MAGI1: variants seen among roughly 807,000 people sequenced by gnomAD.
MAGI1 encodes membrane associated guanylate kinase, WW and PDZ domain containing 1, also known as membrane-associated guanylate kinase, WW and PDZ domain-containing protein 1.
MAGI1 carries 58 observed loss-of-function variants against 139.9 expected under a neutral mutation model. The ratio of observed to expected loss-of-function variants is 0.41; its 90% CI spans 0.34 to 0.52. MAGI1 has a LOEUF of 0.52. Among genes scored for constraint, MAGI1 ranks in the 20% least tolerant of loss-of-function variants. The pLI, the probability that MAGI1 is intolerant of heterozygous loss-of-function variation, is 0.12. For missense variants in MAGI1, 1,874 were observed against 1,901.6 expected (o/e 0.99, Z 0.27); for synonymous variants, 812 against 737.9 (o/e 1.10, Z -1.63).
At chr3:66,007,837 GGGAAGAATGTGTGCCCCACACA>G (rs2067109776) in intron 1 of MAGI1, among the ~76,000 whole-genome samples, 1 of 151,916 alleles carries the variant, frequency 6.6e-6, no homozygotes, top group Non-Finnish European at 1.5e-5. Context: ...AATTGGAGGA[GGGAAGAATGTGTGCCCCACACA>G]CTAGTCCTCT....
At chr3:65,985,610 T>C (rs922384253) in intron 1 of MAGI1, among the ~76,000 whole-genome samples, 1 of 152,228 alleles carries the variant, frequency 6.6e-6, no homozygotes, top group Admixed American at 6.5e-5. Flanking sequence ...CGTCTTTTTT[T>C]CCCCTGGTAC....
chr3:65,736,084 A>G (rs1375580919), intron 1 of MAGI1, among the ~76,000 whole-genome samples: 1 of 152,248 alleles, frequency 6.6e-6, no homozygotes, highest in Non-Finnish European at 1.5e-5. Context: ...AATTTTCAGA[A>G]GTAACACTGA....
chr3:65,872,789 A>T (rs892682257), intron 1 of MAGI1: 1 of 152,242 alleles, frequency 6.6e-6, no homozygotes, highest in African/African-American at 2.4e-5. Context: ...AACATACTGG[A>T]CAAATTAAGC....
intron 5 of MAGI1, chr3:65,469,946 A>G (rs1163409826): frequency 6.1e-5 from 9 of 147,808 alleles, no homozygotes; most frequent in African/African-American, 2.0e-4. Flanking sequence ...AAATATATTT[A>G]AATATTTATT....
At chr3:65,383,058 AC>A (rs1363667021) in intron 15 of MAGI1, among the ~76,000 whole-genome samples, 1 of 152,092 alleles carries the variant, frequency 6.6e-6, no homozygotes, top group Non-Finnish European at 1.5e-5. Flanking sequence ...CTTGACCCTT[AC>A]TCAGGGTTCT....
At position 65,530,837 on chromosome 3, in the gene MAGI1, A is replaced by ACACG. The variant is rs1402317097; in HGVS notation, c.431-37207_431-37206insCGTG. Among the ~76,000 whole-genome samples, 21 of 21,940 alleles carry ACACG rather than the reference A, an allele frequency of 9.6e-4. No individual in the cohort carries two copies. The East Asian group carries it at 0.017, about 18-fold the overall frequency. The allele number at this position is 21,940 out of a possible 152,430, so 14.4% of individuals were successfully genotyped here. On this transcript the variant is annotated intron_variant, in intron 2 of 22. Transcript: ENST00000402939. ...TATATATACACGTATATATATATAT[A>ACACG]TACACACACACACACACATATATAT...
chr3:65,741,318 A>G (rs2035245764), intron 1 of MAGI1, among the ~76,000 whole-genome samples: 1 of 151,866 alleles, frequency 6.6e-6, no homozygotes, highest in Non-Finnish European at 1.5e-5. Context: ...GGGACTACAG[A>G]TGCCCGCCAC....
chr3:65,405,663 T>C (rs902100621), intron 12 of MAGI1, among the ~76,000 whole-genome samples: 8 of 152,116 alleles, frequency 5.3e-5, no homozygotes, highest in Admixed American at 6.5e-5. Context: ...GGTGTGATCT[T>C]GCCTCACTGC....
At chr3:65,960,480 T>C (rs934506583) in intron 1 of MAGI1, among the ~76,000 whole-genome samples, 1 of 152,026 alleles carries the variant, frequency 6.6e-6, no homozygotes, top group African/African-American at 2.4e-5. Flanking sequence ...TATAGGGCGG[T>C]TTCTAATAAA....
intron 1 of MAGI1, among the ~76,000 whole-genome samples, chr3:66,020,639 T>A (rs910991975): frequency 6.6e-6 from 1 of 152,154 alleles, no homozygotes; most frequent in Admixed American, 6.5e-5. Flanking sequence ...AAATTCTAAG[T>A]TATATGCATC....
chr3:65,539,650 T>C (rs1338813953), intron 2 of MAGI1, among the ~76,000 whole-genome samples: 2 of 152,110 alleles, frequency 1.3e-5, no homozygotes, highest in Non-Finnish European at 2.9e-5. Context: ...TTCCACACTA[T>C]TCCTAGACAC....
At chr3:65,675,296 C>T (rs56067921) in intron 1 of MAGI1, among the ~76,000 whole-genome samples, 20,579 of 152,122 alleles carry the variant, frequency 0.14, 1,715 homozygotes, top group Non-Finnish European at 0.18. Flanking sequence ...ACAGAACCTC[C>T]ATGGCCTCCA....
chr3:65,897,410 T>C (rs1158190358), intron 1 of MAGI1, among the ~76,000 whole-genome samples: 1 of 151,578 alleles, frequency 6.6e-6, no homozygotes, highest in African/African-American at 2.4e-5. Context: ...CAGGTGGGAA[T>C]TCAACAACGA....
At chr3:65,367,148 G>C (rs1260850545) in intron 18 of MAGI1, among the ~76,000 whole-genome samples, 1 of 152,188 alleles carries the variant, frequency 6.6e-6, no homozygotes, top group Non-Finnish European at 1.5e-5. Flanking sequence ...AGGCCATGGG[G>C]AAATCACAAT....
chr3:66,010,052 G>C (rs2067239685), intron 1 of MAGI1, among the ~76,000 whole-genome samples: 1 of 131,502 alleles, frequency 7.6e-6, no homozygotes, highest in Admixed American at 8.7e-5. Context: ...CTCCAGCCTG[G>C]GTGACAAAGT....
intron 1 of MAGI1, among the ~76,000 whole-genome samples, chr3:65,751,406 T>G (rs2036142362): frequency 6.6e-6 from 1 of 152,198 alleles, no homozygotes; most frequent in Non-Finnish European, 1.5e-5. Context: ...GAGCACACAG[T>G]GTCTCTCCCT....
intron 12 of MAGI1, among the ~76,000 whole-genome samples, chr3:65,405,221 T>A (rs1945240971): frequency 6.6e-6 from 1 of 152,130 alleles, no homozygotes; most frequent in African/African-American, 2.4e-5. Context: ...AATGGTGTCA[T>A]TTTGGAAAAA....
chr3:65,979,337 C>A (rs2065446841), intron 1 of MAGI1, among the ~76,000 whole-genome samples: 2 of 152,138 alleles, frequency 1.3e-5, no homozygotes, highest in Admixed American at 1.3e-4. Context: ...CGTCATCCAA[C>A]AAAAACCATT....
chr3:65,937,634 T>C (rs1261580433), intron 1 of MAGI1, among the ~76,000 whole-genome samples: 2 of 152,174 alleles, frequency 1.3e-5, no homozygotes, highest in East Asian at 1.9e-4. Flanking sequence ...CAACTGGCTA[T>C]GCCTAACCTG....
Sources: gnomAD v4.1 joint callset for allele counts (sites outside exome capture counted in the v4.1 genomes callset) on GRCh38, gnomAD v4.1.1 for gene constraint, MANE v1.5 for transcripts, NCBI Gene and HGNC (gene_info 2026-07-23, HGNC 2026-07-21) for gene names.